TTBK2: variants seen among roughly 807,000 people sequenced by gnomAD.
TTBK2 encodes the protein tau-tubulin kinase 2.
TTBK2 carries 28 observed loss-of-function variants against 110.8 expected under a neutral mutation model. The ratio of observed to expected loss-of-function variants is 0.25; its 90% CI spans 0.19 to 0.35. TTBK2 has a LOEUF of 0.35. TTBK2 is among the 10% of genes least tolerant of loss of function. TTBK2 has a pLI of 1.00. For missense variants in TTBK2, 1,369 were observed against 1,500.3 expected (o/e 0.91, Z 1.45); for synonymous variants, 532 against 527.3 (o/e 1.01, Z -0.12).
chr15:42,919,277 T>C (rs1390253199), intron 1 of TTBK2, among the ~76,000 whole-genome samples: 1 of 45,316 alleles, frequency 2.2e-5, no homozygotes, highest in Non-Finnish European at 5.5e-5. Context: ...TTACTGCTTC[T>C]TTATTTAAAA....
At chr15:42,785,746 T>G (rs7177285) in intron 10 of TTBK2, among the ~76,000 whole-genome samples, 117,803 of 149,796 alleles carry the variant, frequency 0.79, 46,372 homozygotes, top group Middle Eastern at 0.88. Flanking sequence ...TAGGGTTTTT[T>G]TTTTTTTTTT....
At chr15:42,769,958 T>C (rs1889590233) in intron 13 of TTBK2, among the ~76,000 whole-genome samples, 2 of 152,128 alleles carry the variant, frequency 1.3e-5, no homozygotes. Flanking sequence ...TGCAGGGACG[T>C]GGATGCAGCT....
intron 7 of TTBK2, among the ~76,000 whole-genome samples, chr15:42,813,528 AAAAAT>A (rs1891813821): frequency 6.6e-6 from 1 of 151,908 alleles, no homozygotes; most frequent in African/African-American, 2.4e-5. Flanking sequence ...CCAAAAAATA[AAAAAT>A]AAAATAAAAC....
intron 3 of TTBK2, among the ~76,000 whole-genome samples, chr15:42,865,515 A>AT (rs1894334530): frequency 7.8e-6 from 1 of 128,380 alleles, no homozygotes; most frequent in African/African-American, 3.7e-5. Flanking sequence ...AATAATACTA[A>AT]AAAAAAAAAA....
chr15:42,875,373 A>G (rs925409293), intron 2 of TTBK2, among the ~76,000 whole-genome samples: 4 of 152,172 alleles, frequency 2.6e-5, no homozygotes, highest in African/African-American at 9.7e-5. Flanking sequence ...GTATTTTCCA[A>G]CGATAGGCAC....
intron 1 of TTBK2, among the ~76,000 whole-genome samples, chr15:42,892,006 C>T (rs1439557270): frequency 2.0e-5 from 3 of 152,198 alleles, no homozygotes; most frequent in African/African-American, 4.8e-5. Context: ...CTGACATTTA[C>T]AGAACACTCC....
At chr15:42,882,203 G>A (rs1437893952) in intron 1 of TTBK2, among the ~76,000 whole-genome samples, 2 of 151,660 alleles carry the variant, frequency 1.3e-5, no homozygotes, top group South Asian at 2.1e-4. Context: ...GAAGCTGACT[G>A]AATACAATAA....
intron 13 of TTBK2, among the ~76,000 whole-genome samples, chr15:42,755,464 A>C (rs1016350968): frequency 1.4e-4 from 21 of 152,294 alleles, no homozygotes; most frequent in Middle Eastern, 3.4e-3. Flanking sequence ...GGATCTGTAA[A>C]GCTCATTGAC....
Position 42,745,897 on chromosome 15 carries a change from G to A in TTBK2, c.3633C>T (p.Pro1211=), listed in dbSNP as rs1332084141. The A allele has an allele frequency of 1.2e-6, 2 of 1,614,004 alleles. No homozygotes were observed. Among genetic ancestry groups the A allele is most frequent in the Non-Finnish European group, 1.7e-6 (2 of 1,180,040 alleles). ...RRSCQQEHCK[P]SKNGLKGSGS... is the part of the protein sequence containing the mutation. The stretch of plus-strand genomic sequence containing the variant: ...CGGATCCTTTCAGGCCATTCTTGCT[G>A]GGTTTGCAATGCTCCTGTTGGCAGG... The change falls in exon 15 of 15, where the codon CCC becomes CCT. Residue 1211 remains proline (P), a synonymous_variant. Coordinates refer to ENST00000267890, the MANE Select transcript of TTBK2 (RefSeq NM_173500.4).
Position 42,753,066 on chromosome 15 carries a change from CT to C in TTBK2, c.2179del (p.Arg727GlufsTer8). On this transcript the variant is annotated frameshift_variant, in exon 14 of 15. Transcript: ENST00000267890. LOFTEE classifies it high-confidence loss of function. ...TEGEPPSGGSRTDLGLQIDHI... is the reference protein window; with the variant it reads ...TEGEPPSGGSXTDLGLQIDHI... ...ATCTATCTGAAGCCCCAAATCTGTT[CT>C]GCTTCCTCCACTAGGAGGTTCACCC... is the stretch of plus-strand genomic sequence containing the variant. The C allele has an allele frequency of 6.2e-7, 1 of 1,610,890 alleles. No homozygotes were observed.
chr15:42,803,679 A>G (rs944168650), intron 9 of TTBK2, among the ~76,000 whole-genome samples: 6 of 152,212 alleles, frequency 3.9e-5, no homozygotes, highest in African/African-American at 7.2e-5. Context: ...ACAAAGCAGC[A>G]AAGAGGAAAT....
intron 13 of TTBK2, among the ~76,000 whole-genome samples, chr15:42,758,286 T>C (rs2061973860): frequency 6.6e-6 from 1 of 152,158 alleles, no homozygotes; most frequent in East Asian, 1.9e-4. Flanking sequence ...TATTAAGAAG[T>C]TAAATTTTAG....
At chr15:42,840,245 A>T in intron 4 of TTBK2, 115 bp downstream of exon 4, 1 of 951,526 alleles carries the variant, frequency 1.1e-6, no homozygotes. Flanking sequence ...TCTGCATAGT[A>T]TAAAACATTC....
intron 13 of TTBK2, among the ~76,000 whole-genome samples, chr15:42,755,005 T>C (rs547374665): frequency 1.5e-3 from 110 of 71,420 alleles, no homozygotes; most frequent in African/African-American, 6.4e-3. Context: ...TGAAGCTCCA[T>C]CTCAGGAAAA....
At chr15:42,797,717 A>AT (rs1465817710) in intron 9 of TTBK2, among the ~76,000 whole-genome samples, 1 of 152,138 alleles carries the variant, frequency 6.6e-6, no homozygotes, top group Non-Finnish European at 1.5e-5. Flanking sequence ...AAAACTCTTA[A>AT]TTCAGTGAGT....
At chr15:42,831,258 G>A (rs1400714634) in intron 4 of TTBK2, among the ~76,000 whole-genome samples, 1 of 151,946 alleles carries the variant, frequency 6.6e-6, no homozygotes, top group African/African-American at 2.4e-5. Context: ...TTTAAATAGA[G>A]ATGGAGTCTC....
chr15:42,875,249 C>A (rs1198319764), intron 2 of TTBK2, among the ~76,000 whole-genome samples: 1 of 151,912 alleles, frequency 6.6e-6, no homozygotes, highest in Admixed American at 6.6e-5. Context: ...TTTAATTGGC[C>A]TGACAAAGCC....
intron 1 of TTBK2, among the ~76,000 whole-genome samples, chr15:42,899,971 T>C (rs2029894376): frequency 6.6e-6 from 1 of 151,306 alleles, no homozygotes; most frequent in Non-Finnish European, 1.5e-5. Flanking sequence ...AAAAAATAAA[T>C]AAATAAATAA....
chr15:42,878,224 C>T (rs1441747027), intron 2 of TTBK2, among the ~76,000 whole-genome samples: 1 of 151,190 alleles, frequency 6.6e-6, no homozygotes, highest in Non-Finnish European at 1.5e-5. Context: ...CCTCGTGATC[C>T]GCCCGCCTCG....
Sources: gnomAD v4.1 joint callset for allele counts (sites outside exome capture counted in the v4.1 genomes callset) on GRCh38, gnomAD v4.1.1 for gene constraint, MANE v1.5 for transcripts, NCBI Gene and HGNC (gene_info 2026-07-23, HGNC 2026-07-21) for gene names.